The following PIK3C2B variants were observed in gnomAD, a reference collection of about 807,000 sequenced individuals.
The protein encoded by PIK3C2B is phosphatidylinositol 4-phosphate 3-kinase C2 domain-containing subunit beta.
A neutral mutation model predicts 184.3 loss-of-function variants in PIK3C2B; 83 were observed. The ratio of observed to expected loss-of-function variants is 0.45; its 90% confidence interval spans 0.38 to 0.54. The LOEUF is 0.54. Among genes scored for constraint, PIK3C2B ranks in the 20% least tolerant of loss-of-function variants. PIK3C2B has a pLI of 0.00. For missense variants in PIK3C2B, 1,736 were observed against 2,113.5 expected (o/e 0.82, Z 3.50); for synonymous variants, 779 against 837.6 (o/e 0.93, Z 1.21).
Position 204,447,351 on chromosome 1 carries a change from C to A in PIK3C2B, c.2489+85G>T. 7.3e-7 allele frequency: 1 copy of A among 1,378,670 alleles called. No individual in the cohort carries two copies. Among genetic ancestry groups the A allele is most frequent in the Non-Finnish European group, 1.0e-6 (1 of 991,148 alleles). The allele number at this position is 1,378,670 out of a possible 1,614,324, so 85.4% of individuals were successfully genotyped here. ...GATGGCAATGCCCACCCCTTCCCACCTCCACTCCCAAAGCAGGAGGACGGA... is the reference window on the plus strand; with the variant it reads ...GATGGCAATGCCCACCCCTTCCCACATCCACTCCCAAAGCAGGAGGACGGA... On this transcript the variant is annotated intron_variant, in intron 15 of 32. Transcript: ENST00000684373. This position sits in a 1 kb window ranked among gnomAD's most constrained non-coding sequence, Gnocchi z 4.1.
Position 204,425,715 on chromosome 1 carries a change from A to T in PIK3C2B, c.4614T>A (p.Pro1538=), listed in dbSNP as rs138854075. The change falls in exon 32 of 33, where the codon CCT becomes CCA. Residue 1538 remains proline (P), a synonymous_variant. Coordinates refer to ENST00000684373, the MANE Select transcript of PIK3C2B (RefSeq NM_001377334.1). ...GLQLLQDGND[P]DPYVKIYLLP... ...GGAGGTAAATTTTCACATAGGGGTCAGGGTCATTTCCATCCTGGAGCAGTT... is the reference window on the plus strand; with the variant it reads ...GGAGGTAAATTTTCACATAGGGGTCTGGGTCATTTCCATCCTGGAGCAGTT... 188 of 1,613,892 alleles carry T rather than the reference A, an allele frequency of 1.2e-4. No individual in the cohort carries two copies. The African/African-American group carries it at 2.1e-3, about 18-fold the overall frequency.
chr1:204,481,094 A>G (rs748044624), intron 1 of PIK3C2B, among the ~76,000 whole-genome samples: 11 of 149,052 alleles, frequency 7.4e-5, no homozygotes, highest in Non-Finnish European at 1.5e-4. Context: ...ACACACATCT[A>G]TGTCTCCCCG....
chr1:204,462,522 T>C (rs1655419786), intron 5 of PIK3C2B, among the ~76,000 whole-genome samples: 1 of 152,168 alleles, frequency 6.6e-6, no homozygotes, highest in South Asian at 2.1e-4. Context: ...CTATGTCCCC[T>C]TTTTCCCTTC....
intron 29 of PIK3C2B, 98 bp from the exon 30 acceptor site, chr1:204,428,318 A>G (rs1674859190): frequency 4.2e-6 from 3 of 719,770 alleles, no homozygotes; most frequent in Admixed American, 2.4e-5. Context: ...CTTAGGAAAT[A>G]TAACAACCAA....
intron 29 of PIK3C2B, 109 bp from the exon 30 acceptor site, chr1:204,428,329 C>A (rs1674860465): frequency 1.5e-6 from 1 of 677,206 alleles, no homozygotes; most frequent in Non-Finnish European, 2.6e-6. Context: ...TAACAACCAA[C>A]AACATGCAGT....
chr1:204,479,363 A>C (rs1656953661), intron 1 of PIK3C2B, among the ~76,000 whole-genome samples: 1 of 152,104 alleles, frequency 6.6e-6, no homozygotes, highest in Non-Finnish European at 1.5e-5. Flanking sequence ...GGCCTTCCAG[A>C]GAAAGGTAGG....
In PIK3C2B at chr1:204,441,573, T is replaced by A; in HGVS notation, c.3157-10A>T. The A allele has an allele frequency of 1.2e-6, 2 of 1,600,240 alleles. No homozygotes were observed. The highest frequency in any genetic ancestry group is 1.7e-6 in the Non-Finnish European group (2 of 1,168,144). On this transcript the variant is annotated splice_polypyrimidine_tract_variant and intron_variant, in intron 20 of 32. Coordinates refer to ENST00000684373, the MANE Select transcript of PIK3C2B (RefSeq NM_001377334.1). ...TGAAGTAGGAACAGTCCTGCCATGG[T>A]GAAAAGATAGTGACGAGGGTCAGAG...
chr1:204,463,865 C>T (rs1168246416), intron 5 of PIK3C2B, 147 bp downstream of exon 5: 50 of 795,866 alleles, frequency 6.3e-5, no homozygotes, highest in South Asian at 5.7e-4. Flanking sequence ...GAAAGTGCTA[C>T]GTGGCCGAGA....
At chr1:204,463,289 A>T (rs1427497062) in intron 5 of PIK3C2B, among the ~76,000 whole-genome samples, 3 of 152,204 alleles carry the variant, frequency 2.0e-5, no homozygotes, top group Non-Finnish European at 4.4e-5. Context: ...AGCGGCTCTG[A>T]AGCCTAAGAG....
At chr1:204,479,166 AG>A (rs1258016402) in intron 1 of PIK3C2B, among the ~76,000 whole-genome samples, 2 of 152,204 alleles carry the variant, frequency 1.3e-5, no homozygotes, top group Non-Finnish European at 2.9e-5. Context: ...AAGGAAGAAA[AG>A]CTTTGGCAGT....
At chr1:204,464,948 T>C (rs1263939774) in intron 3 of PIK3C2B, among the ~76,000 whole-genome samples, 2 of 152,188 alleles carry the variant, frequency 1.3e-5, no homozygotes, top group African/African-American at 4.8e-5. Context: ...TGGGGTGCAT[T>C]TGCTCTTAAG....
At chr1:204,481,965 A>G (rs1232823127) in intron 1 of PIK3C2B, among the ~76,000 whole-genome samples, 1 of 152,194 alleles carries the variant, frequency 6.6e-6, no homozygotes, top group Non-Finnish European at 1.5e-5. Flanking sequence ...TCACTTACAC[A>G]GGGGTGTGAG....
rs1674638355 is a variant in PIK3C2B, at chr1:204,424,430, A to G, written c.*422T>C. The G allele has an allele frequency of 3.0e-6, 1 of 338,248 alleles. No individual in the cohort carries two copies. 21.0% of individuals were successfully genotyped at this position (338,248 alleles called of 1,614,324 possible). On this transcript the variant is annotated 3_prime_UTR_variant, in exon 33 of 33. Coordinates refer to ENST00000684373, the MANE Select transcript of PIK3C2B (RefSeq NM_001377334.1). ...CTCTCTTGCCTTCTGGGGCATAGGT[A>G]CGTCCCTTCTCGCAAGGCTTCCTGT...
Position 204,464,436 on chromosome 1 carries a change from C to A in PIK3C2B, c.1189+14G>T, listed in dbSNP as rs78921803. On this transcript the variant is annotated intron_variant, in intron 4 of 32. Coordinates refer to ENST00000684373, the MANE Select transcript of PIK3C2B (RefSeq NM_001377334.1). Reference sequence around the variant, plus strand: ...CAAGGGATGCTCACATCCTCTCCCCCCTCACTAACTTACAGTTGCAGGTGA... The same window carrying A: ...CAAGGGATGCTCACATCCTCTCCCCACTCACTAACTTACAGTTGCAGGTGA... 6.2e-7 allele frequency: 1 copy of A among 1,610,334 alleles called. No homozygotes were observed. The highest frequency in any genetic ancestry group is 8.5e-7 in the Non-Finnish European group (1 of 1,177,456).
chr1:204,438,697 ACTCAGTGAAAGTTT>A (rs1202851562), intron 23 of PIK3C2B, among the ~76,000 whole-genome samples: 1 of 152,160 alleles, frequency 6.6e-6, no homozygotes, highest in Non-Finnish European at 1.5e-5. Flanking sequence ...TGCCAGGAGA[ACTCAGTGAAAGTTT>A]CTCAGTCCAG....
At chr1:204,444,447 C>T (rs776584227) in intron 16 of PIK3C2B, 23 bp from the exon 17 acceptor site, 1 of 1,582,394 alleles carries the variant, frequency 6.3e-7, no homozygotes, top group South Asian at 1.1e-5. Context: ...GCCCAGTGCC[C>T]TGACAACCTA....
intron 1 of PIK3C2B, among the ~76,000 whole-genome samples, chr1:204,487,292 A>C (rs1014410944): frequency 2.0e-5 from 3 of 152,208 alleles, no homozygotes; most frequent in Non-Finnish European, 4.4e-5. Context: ...TTTTGTATAG[A>C]TAAATCTCGT....
chr1:204,450,255 G>A (rs1318481021), intron 12 of PIK3C2B: 1 of 434,510 alleles, frequency 2.3e-6, no homozygotes, highest in African/African-American at 2.0e-5. Context: ...GCAGTAGAGT[G>A]AGGCGAACAT....
rs766598175 is a variant in PIK3C2B, at chr1:204,457,797, G to T, written c.1644C>A (p.Thr548=). ...AICNALAAVE[T]PEITSALNQL... The stretch of plus-strand genomic sequence containing the variant: ...GGTTGAGAGCACTGGTGATCTCAGG[G>T]GTTTCCACGGCGGCCAGGGCGTTGC... Residue 548 remains threonine, a synonymous_variant, in exon 9 of 33, where the codon ACC becomes ACA. Transcript: ENST00000684373. 6.2e-7 allele frequency: 1 copy of T among 1,613,202 alleles called. No individual in the cohort carries two copies. The highest frequency in any genetic ancestry group is 1.1e-5 in the South Asian group (1 of 90,836).
Sources: gnomAD v4.1 joint callset for allele counts (sites outside exome capture counted in the v4.1 genomes callset) on GRCh38, gnomAD v4.1.1 for gene constraint, Gnocchi (gnomAD v3.1) non-coding constraint, MANE v1.5 for transcripts, NCBI Gene and HGNC (gene_info 2026-07-23, HGNC 2026-07-21) for gene names.